The following CFAP54 variants were observed in gnomAD, a reference collection of about 807,000 sequenced individuals.
CFAP54 encodes cilia- and flagella-associated protein 54.
A neutral mutation model predicts 370.4 loss-of-function variants in CFAP54; 290 were observed. That is an observed-to-expected ratio of 0.78 (90% CI 0.71 to 0.86). The LOEUF is 0.86. Among genes scored for constraint, CFAP54 ranks in the 40% least tolerant of loss-of-function variants. The pLI is 0.00. For missense variants in CFAP54, 3,399 were observed against 3,528.7 expected (o/e 0.96, Z 0.93); for synonymous variants, 1,206 against 1,236.5 (o/e 0.98, Z 0.52).
At chr12:96,539,064 G>GTT (rs1314197505) in intron 13 of CFAP54, among the ~76,000 whole-genome samples, 2,915 of 111,208 alleles carry the variant, frequency 0.026, 355 homozygotes, top group African/African-American at 0.08. Context: ...GCCTTTTCAG[G>GTT]TTTTTTTTTT....
At position 96,693,801 on chromosome 12, in the gene CFAP54, T is replaced by G; in HGVS notation, c.6344T>G (p.Ile2115Ser). 1 of 1,566,470 alleles carries G rather than the reference T, an allele frequency of 6.4e-7. No homozygotes were observed. Among genetic ancestry groups the G allele is most frequent in the South Asian group, 1.1e-5 (1 of 88,904 alleles). ...QDITRNLEAR[I>S]LKIEVLIDLR... ...ATAACAAGAAATCTAGAAGCAAGAA[T>G]CCTCAAGGTATGTTACAAGCTTTTA... The change falls in exon 45 of 68, where the codon ATC becomes AGC. Residue 2115 changes from isoleucine (I) to serine (S), a missense_variant. Transcript: ENST00000524981.
At chr12:96,500,798 C>A in intron 1 of CFAP54, 36 bp from the exon 2 acceptor site, 1 of 1,447,718 alleles carries the variant, frequency 6.9e-7, no homozygotes, top group Non-Finnish European at 9.3e-7. Context: ...TTCCTGCAGA[C>A]TTTGACAATG....
At chr12:96,652,629 A>G (rs938639890) in intron 36 of CFAP54, among the ~76,000 whole-genome samples, 1 of 152,152 alleles carries the variant, frequency 6.6e-6, no homozygotes, top group Non-Finnish European at 1.5e-5. Flanking sequence ...GAAAACATTC[A>G]CTCTAACTCA....
intron 39 of CFAP54, among the ~76,000 whole-genome samples, chr12:96,670,351 G>A (rs1957130249): frequency 6.6e-6 from 1 of 152,162 alleles, no homozygotes; most frequent in Non-Finnish European, 1.5e-5. Context: ...AATGCTTTGT[G>A]AATATTAGCT....
In CFAP54 at chr12:96,764,270, A is replaced by G. The variant is rs767590697; in HGVS notation, c.8139+21A>G. ...CACAGGTTGGTGTGATTTTTGTTTA[A>G]TCTTTCTTCTTACTGTCATATCTGT... On this transcript the variant is annotated intron_variant, in intron 59 of 67. Coordinates refer to ENST00000524981, the MANE Select transcript of CFAP54 (RefSeq NM_001306084.2). 9.0e-6 allele frequency: 14 copies of G among 1,552,184 alleles called. No individual in the cohort carries two copies. In the East Asian group the frequency reaches 2.9e-4, roughly 33 times the overall value.
intron 36 of CFAP54, among the ~76,000 whole-genome samples, chr12:96,657,084 C>A (rs1401585350): frequency 6.6e-6 from 1 of 152,228 alleles, no homozygotes; most frequent in Non-Finnish European, 1.5e-5. Flanking sequence ...TGATACTTCA[C>A]ACCCATGTAT....
chr12:96,784,653 T>C, intron 60 of CFAP54, 64 bp from the exon 61 acceptor site: 5 of 1,192,896 alleles, frequency 4.2e-6, no homozygotes, highest in Non-Finnish European at 5.6e-6. Context: ...TTTCTGTTCA[T>C]GATTGTTTTT....
chr12:96,522,512 T>G, intron 8 of CFAP54, among the ~76,000 whole-genome samples: 1 of 152,196 alleles, frequency 6.6e-6, no homozygotes, highest in East Asian at 1.9e-4. Flanking sequence ...CCTTTGTCTT[T>G]GACCACTTAG....
chr12:96,496,715 C>T (rs1298646881), intron 1 of CFAP54, among the ~76,000 whole-genome samples: 1 of 151,916 alleles, frequency 6.6e-6, no homozygotes. Flanking sequence ...GGGGAGGGGT[C>T]ACAAATATTC....
At chr12:96,805,000 C>T (rs1275973245) in intron 63 of CFAP54, among the ~76,000 whole-genome samples, 1 of 152,060 alleles carries the variant, frequency 6.6e-6, no homozygotes, top group African/African-American at 2.4e-5. Context: ...AAGGAAAGGA[C>T]ACCCTGTTTA....
chr12:96,524,799 C>T (rs535344271), intron 8 of CFAP54, among the ~76,000 whole-genome samples: 1 of 152,254 alleles, frequency 6.6e-6, no homozygotes, highest in South Asian at 2.1e-4. Flanking sequence ...ACAGTTGTGC[C>T]ATTCAGATTT....
intron 29 of CFAP54, among the ~76,000 whole-genome samples, 156 bp from the exon 30 acceptor site, chr12:96,626,657 C>G (rs1293557005): frequency 6.6e-6 from 1 of 152,048 alleles, no homozygotes; most frequent in East Asian, 1.9e-4. Flanking sequence ...TAGTTCACAC[C>G]ACATTTATTC....
intron 15 of CFAP54, 76 bp downstream of exon 15, chr12:96,548,054 T>C: frequency 1.7e-6 from 1 of 599,254 alleles, no homozygotes; most frequent in Admixed American, 3.3e-5. Flanking sequence ...TGTAAATGCA[T>C]AATGGTTAAT....
chr12:96,504,945 CTTTCTT>C (rs775335987), intron 3 of CFAP54, among the ~76,000 whole-genome samples: 57 of 142,818 alleles, frequency 4.0e-4, no homozygotes, highest in African/African-American at 9.6e-4. Context: ...CTTCCTCTTT[CTTTCTT>C]TTTCTTTCTT....
At chr12:96,805,572 C>A (rs550174749) in intron 63 of CFAP54, among the ~76,000 whole-genome samples, 127 of 138,842 alleles carry the variant, frequency 9.1e-4, no homozygotes, top group East Asian at 1.3e-3. Context: ...ATTAAAAAGT[C>A]AAAAAAAAAA....
At chr12:96,834,599 G>A (rs780504263) in intron 66 of CFAP54, among the ~76,000 whole-genome samples, 1 of 152,256 alleles carries the variant, frequency 6.6e-6, no homozygotes, top group Non-Finnish European at 1.5e-5. Context: ...TCCTTGGTTG[G>A]CAGTGGGGAA....
chr12:96,718,298 G>T (rs1432802171), intron 48 of CFAP54, 145 bp from the exon 49 acceptor site: 3 of 536,336 alleles, frequency 5.6e-6, no homozygotes, highest in Non-Finnish European at 1.0e-5. Flanking sequence ...GGTGAAGGTT[G>T]CAGTGAGCTG....
chr12:96,694,761 C>A (rs899510634), intron 45 of CFAP54, among the ~76,000 whole-genome samples: 1 of 151,862 alleles, frequency 6.6e-6, no homozygotes, highest in African/African-American at 2.4e-5. Context: ...TGATGTCTCA[C>A]GCCTGTAATC....
chr12:96,630,897 T>C (rs1018333288), intron 32 of CFAP54, among the ~76,000 whole-genome samples: 20 of 152,070 alleles, frequency 1.3e-4, no homozygotes, highest in African/African-American at 4.6e-4. Flanking sequence ...GGCATGAAGG[T>C]GGTGGTGGCA....
Sources: allele counts gnomAD v4.1 joint callset (sites outside exome capture counted in the v4.1 genomes callset), GRCh38; gene constraint gnomAD v4.1.1; transcripts MANE v1.5; gene names NCBI Gene and HGNC (gene_info 2026-07-23, HGNC 2026-07-21).